EYS: variants seen among roughly 807,000 people sequenced by gnomAD.
EYS encodes protein eyes shut homolog.
In EYS, 250 loss-of-function variants were observed where a neutral mutation model predicts 282.1. That is an observed-to-expected ratio of 0.89 (90% confidence interval 0.80 to 0.98). EYS has a LOEUF of 0.98. Ranked by LOEUF, EYS falls within the 50% of genes least tolerant of loss-of-function variation. The pLI, the probability that EYS is intolerant of heterozygous loss-of-function variation, is 0.00. For synonymous variants in EYS, 1,355 were observed against 1,282.9 expected (o/e 1.06, Z -1.20); for missense variants, 4,016 against 3,709.0 (o/e 1.08, Z -2.15).
chr6:65,059,798 A>G (rs1773517838), intron 12 of EYS, among the ~76,000 whole-genome samples: 1 of 152,116 alleles, frequency 6.6e-6, no homozygotes, highest in Admixed American at 6.6e-5. Flanking sequence ...CTTGTGACAA[A>G]TACACTTTGT....
intron 24 of EYS, among the ~76,000 whole-genome samples, chr6:64,612,377 A>G (rs1260207324): frequency 6.6e-6 from 1 of 152,134 alleles, no homozygotes; most frequent in African/African-American, 2.4e-5. Context: ...AATTTCATTT[A>G]CTGAGGAAGA....
At chr6:64,353,799 G>A (rs890328498) in intron 29 of EYS, among the ~76,000 whole-genome samples, 5 of 151,598 alleles carry the variant, frequency 3.3e-5, no homozygotes, top group Admixed American at 6.6e-5. Context: ...GAAGACTGAG[G>A]GTACCTGAGA....
At chr6:64,459,941 T>C (rs1775689061) in intron 26 of EYS, among the ~76,000 whole-genome samples, 1 of 136,822 alleles carries the variant, frequency 7.3e-6, no homozygotes, top group African/African-American at 2.9e-5. Flanking sequence ...GACCAAGTAA[T>C]ATCCAGAAAA....
chr6:64,164,170 C>G (rs1775195059), intron 31 of EYS, among the ~76,000 whole-genome samples: 1 of 152,088 alleles, frequency 6.6e-6, no homozygotes, highest in Non-Finnish European at 1.5e-5. Context: ...AAAATAACCA[C>G]TGTTTTCTCC....
intron 38 of EYS, 91 bp downstream of exon 38, chr6:63,788,967 T>TC: frequency 7.6e-7 from 1 of 1,311,466 alleles, no homozygotes; most frequent in South Asian, 1.5e-5. Flanking sequence ...GATGTAGGCA[T>TC]CATGGGCTAT....
intron 12 of EYS, among the ~76,000 whole-genome samples, chr6:65,251,660 G>A (rs2150283420): frequency 6.6e-6 from 1 of 152,068 alleles, no homozygotes; most frequent in African/African-American, 2.4e-5. Flanking sequence ...AACAGTAGCA[G>A]GTAAAATGGG....
intron 22 of EYS, among the ~76,000 whole-genome samples, chr6:64,796,271 TG>T (rs144409864): frequency 0.016 from 2,422 of 152,190 alleles, 73 homozygotes; most frequent in African/African-American, 0.056. Context: ...ATGTAGCTAC[TG>T]GGATGGGCCA....
intron 18 of EYS, among the ~76,000 whole-genome samples, chr6:64,896,952 C>T (rs559862458): frequency 5.3e-4 from 81 of 152,216 alleles, no homozygotes; most frequent in African/African-American, 1.9e-3. Flanking sequence ...GGCAGCAGCC[C>T]CACTCAGGGG....
rs370499157 is a variant in EYS, at chr6:65,478,185, GATATA to G, written c.862+12404_862+12408del. On this transcript the variant is annotated intron_variant, in intron 5 of 42. Coordinates refer to ENST00000503581, the MANE Select transcript of EYS (RefSeq NM_001142800.2). ...AGAAGAGAGACTTCATTCTAGAGAA[GATATA>G]ATATATGAATGACAGCAGAGAAAAT... is the stretch of plus-strand genomic sequence containing the variant. Among the ~76,000 whole-genome samples the G allele has an allele frequency of 5.1e-3, 769 of 151,620 alleles. 2 individuals are homozygous for G. Among genetic ancestry groups the G allele is most frequent in the Non-Finnish European group, 7.5e-3 (511 of 67,878 alleles).
chr6:65,088,820 C>A (rs1374382673), intron 12 of EYS, among the ~76,000 whole-genome samples: 1 of 152,152 alleles, frequency 6.6e-6, no homozygotes, highest in Non-Finnish European at 1.5e-5. Flanking sequence ...TTTCATGGGC[C>A]AGGCCCAGAG....
At chr6:65,455,963 A>G (rs1764589954) in intron 5 of EYS, among the ~76,000 whole-genome samples, 1 of 151,354 alleles carries the variant, frequency 6.6e-6, no homozygotes, top group Admixed American at 6.6e-5. Context: ...GAAGGAAGGA[A>G]GGAAGGAAGG....
At chr6:65,666,299 T>G (rs1479079507) in intron 1 of EYS, among the ~76,000 whole-genome samples, 1 of 151,856 alleles carries the variant, frequency 6.6e-6, no homozygotes, top group Non-Finnish European at 1.5e-5. Flanking sequence ...TTACTTATTT[T>G]TTATAGTAAT....
At chr6:64,156,024 G>A (rs1397496895) in intron 31 of EYS, among the ~76,000 whole-genome samples, 1 of 134,754 alleles carries the variant, frequency 7.4e-6, no homozygotes, top group Non-Finnish European at 1.5e-5. Flanking sequence ...GTATGTTTAT[G>A]TGTGTGTGTG....
chr6:64,549,406 G>A (rs765472546), intron 26 of EYS, among the ~76,000 whole-genome samples: 1 of 152,088 alleles, frequency 6.6e-6, no homozygotes, highest in Non-Finnish European at 1.5e-5. Flanking sequence ...TTTGTGTCAC[G>A]TTTCTTTTTC....
chr6:64,956,733 A>G (rs1296273836), intron 14 of EYS, among the ~76,000 whole-genome samples: 1 of 152,204 alleles, frequency 6.6e-6, no homozygotes, highest in African/African-American at 2.4e-5. Flanking sequence ...AAACAATTTT[A>G]TAGGAAAAAA....
At chr6:64,184,629 AC>A (rs11306447) in intron 31 of EYS, among the ~76,000 whole-genome samples, 38,829 of 151,828 alleles carry the variant, frequency 0.26, 5,429 homozygotes, top group East Asian at 0.43. Flanking sequence ...ACTTGAAACT[AC>A]TTGAAGAGAA....
chr6:64,626,121 C>T lies in EYS; in HGVS notation c.3568G>A (p.Gly1190Arg), dbSNP rs1767601042. ...TGCTTATTATTTTTAAAATAATTAC[C>T]TGGTTGGCATTTGCAAACATATCCA... Reference protein sequence around the residue: ...INGYVCKCQPGWSGHHCENEL... With the variant: ...INGYVCKCQPRWSGHHCENEL... The change falls in exon 23 of 43, where the codon GGA becomes AGA. Residue 1190 changes from glycine (G) to arginine (R), a missense_variant and splice_region_variant. Transcript: ENST00000503581. The T allele has an allele frequency of 3.3e-6, 5 of 1,522,644 alleles. No homozygotes were observed. The highest frequency in any genetic ancestry group is 4.4e-6 in the Non-Finnish European group (5 of 1,127,582). 94.3% of individuals were successfully genotyped at this position (1,522,644 alleles called of 1,614,324 possible).
In EYS at chr6:65,490,628, A is replaced by G. The variant is rs1766005434; in HGVS notation, c.828T>C (p.Asn276=). 1.2e-6 allele frequency: 2 copies of G among 1,611,750 alleles called. No individual in the cohort carries two copies. ...GCTCATCACATTCACAAATGAAACT[A>G]TTTGAAGTAATATTGCTGCAGTTTC... ...FHGNCSNITS[N]SFICECDEQF... Residue 276 remains asparagine (N), a synonymous_variant, in exon 5 of 43, where the codon AAT becomes AAC. Coordinates refer to ENST00000503581, the MANE Select transcript of EYS (RefSeq NM_001142800.2).
Position 65,485,621 on chromosome 6 carries a change from A to G in EYS, c.862+4973T>C, listed in dbSNP as rs557913509. On this transcript the variant is annotated intron_variant, in intron 5 of 42. Coordinates refer to ENST00000503581, the MANE Select transcript of EYS (RefSeq NM_001142800.2). Reference sequence around the variant, plus strand: ...AAAGTTTGGGACCAGCCTGGCCAACATGGCGAAATCCCGTCACTACTAAAA... The same window carrying G: ...AAAGTTTGGGACCAGCCTGGCCAACGTGGCGAAATCCCGTCACTACTAAAA... Among the ~76,000 whole-genome samples the G allele has an allele frequency of 5.9e-5, 9 of 152,336 alleles. No homozygotes were observed. The South Asian group carries it at 1.7e-3, about 28-fold the overall frequency.
Sources: allele counts gnomAD v4.1 joint callset (sites outside exome capture counted in the v4.1 genomes callset), GRCh38; gene constraint gnomAD v4.1.1; transcripts MANE v1.5; gene names NCBI Gene and HGNC (gene_info 2026-07-23, HGNC 2026-07-21).